Variants in CCDC60 observed in about 807,000 individuals in gnomAD.
CCDC60 encodes the protein coiled-coil domain-containing protein 60.
Under a neutral mutation model 63.5 loss-of-function variants are expected in CCDC60, and 54 were observed. That is an observed-to-expected ratio of 0.85 (90% CI 0.68 to 1.07). CCDC60 has a LOEUF of 1.07. Among genes scored for constraint, CCDC60 ranks in the 50% least tolerant of loss-of-function variants. CCDC60 has a pLI of 0.00. For missense variants in CCDC60, 651 were observed against 684.3 expected, an observed-to-expected ratio of 0.95 and a Z score of 0.54; for synonymous variants, 206 against 238.8, an observed-to-expected ratio of 0.86 and a Z score of 1.27.
At chr12:119,520,932 GC>G (rs1249684543) in intron 9 of CCDC60, among the ~76,000 whole-genome samples, 1 of 152,140 alleles carries the variant, frequency 6.6e-6, no homozygotes, top group Non-Finnish European at 1.5e-5. Context: ...AACACAGCCT[GC>G]CCTCATGGAT....
intron 1 of CCDC60, among the ~76,000 whole-genome samples, chr12:119,347,112 G>A (rs1438764858): frequency 6.6e-6 from 1 of 151,970 alleles, no homozygotes; most frequent in Non-Finnish European, 1.5e-5. Context: ...CATAAGCCAC[G>A]TGCCCGGCCT....
At chr12:119,520,982 A>G (rs1443624593) in intron 9 of CCDC60, among the ~76,000 whole-genome samples, 3 of 152,232 alleles carry the variant, frequency 2.0e-5, no homozygotes, top group Admixed American at 2.0e-4. Context: ...TTTATGTGCC[A>G]TAGACTCCTT....
intron 1 of CCDC60, among the ~76,000 whole-genome samples, chr12:119,419,061 C>T (rs916390799): frequency 6.6e-6 from 1 of 152,246 alleles, no homozygotes; most frequent in Non-Finnish European, 1.5e-5. Flanking sequence ...CTGGCCATTT[C>T]TGCCTTGTGC....
chr12:119,478,603 C>CTTTT (rs35215523), intron 3 of CCDC60, among the ~76,000 whole-genome samples: 4 of 87,076 alleles, frequency 4.6e-5, no homozygotes, highest in Non-Finnish European at 8.3e-5. Context: ...AAGGCAGGGA[C>CTTTT]TTTTTTTTTT....
At chr12:119,473,405 C>G (rs181392084) in intron 3 of CCDC60, among the ~76,000 whole-genome samples, 1 of 152,312 alleles carries the variant, frequency 6.6e-6, no homozygotes, top group African/African-American at 2.4e-5. Context: ...ACACCACTGT[C>G]CAGGTCAGTT....
chr12:119,499,647 A>G (rs902494738), intron 5 of CCDC60, among the ~76,000 whole-genome samples: 5 of 152,008 alleles, frequency 3.3e-5, no homozygotes, highest in African/African-American at 7.2e-5. Flanking sequence ...CCCACCCTCA[A>G]TCCCACCCAG....
rs1166833798 is a variant in CCDC60 at position 119,505,115 on chromosome 12, C to T, written c.695C>T (p.Pro232Leu). 2 of 1,611,418 alleles carry T rather than the reference C, an allele frequency of 1.2e-6. No homozygotes were observed. Among genetic ancestry groups the T allele is most frequent in the Non-Finnish European group, 1.7e-6 (2 of 1,178,322 alleles). Residue 232 changes from proline (P) to leucine (L), a missense_variant, in exon 7 of 14, where the codon CCA (proline) becomes CTA (leucine). Physicochemically the swap from Pro to Leu is moderately conservative, Grantham distance 98. Transcript: ENST00000327554. ...ACAATGCGAGTCACCAACCGCAAAC[C>T]AAGCCGGCGAGGCTCCACACTCAGT... ...IPTMRVTNRKPSRRGSTLSLS... is the reference protein window; with the variant it reads ...IPTMRVTNRKLSRRGSTLSLS...
intron 1 of CCDC60, among the ~76,000 whole-genome samples, chr12:119,379,766 T>C (rs10774495): frequency 0.66 from 100,199 of 152,092 alleles, 33,353 homozygotes; most frequent in East Asian, 0.83. Context: ...TTGAACTGAT[T>C]CAGGGAAGCT....
chr12:119,405,450 G>A (rs965928921), intron 1 of CCDC60, among the ~76,000 whole-genome samples: 2 of 152,178 alleles, frequency 1.3e-5, no homozygotes, highest in Admixed American at 1.3e-4. Context: ...TGTTGTGCTT[G>A]TTGATTTTCA....
intron 2 of CCDC60, among the ~76,000 whole-genome samples, chr12:119,468,309 T>TA (rs1269467451): frequency 6.6e-6 from 1 of 150,932 alleles, no homozygotes; most frequent in Non-Finnish European, 1.5e-5. Flanking sequence ...AAAAATTTTT[T>TA]AAAAAAAAGC....
At chr12:119,476,651 C>T (rs1268151734) in intron 3 of CCDC60, among the ~76,000 whole-genome samples, 1 of 152,210 alleles carries the variant, frequency 6.6e-6, no homozygotes, top group African/African-American at 2.4e-5. Context: ...CACAGCCTAA[C>T]ACCCTCCATG....
chr12:119,465,845 G>C (rs1285930066), intron 2 of CCDC60, among the ~76,000 whole-genome samples: 1 of 151,976 alleles, frequency 6.6e-6, no homozygotes, highest in Admixed American at 6.6e-5. Context: ...GTTTTCTCCA[G>C]ACCATGGCCA....
chr12:119,491,329 G>C (rs879565277), intron 5 of CCDC60, among the ~76,000 whole-genome samples: 54 of 151,862 alleles, frequency 3.6e-4, no homozygotes, highest in Admixed American at 3.2e-3. Flanking sequence ...TTGTTTGTTT[G>C]TTTTTGTTTT....
intron 1 of CCDC60, among the ~76,000 whole-genome samples, chr12:119,413,043 T>G (rs1044427608): frequency 6.6e-6 from 1 of 152,112 alleles, no homozygotes; most frequent in Non-Finnish European, 1.5e-5. Flanking sequence ...GGCTCCTGTT[T>G]CCTGAAGCTC....
At chr12:119,336,041 C>T (rs999691490) in intron 1 of CCDC60, among the ~76,000 whole-genome samples, 91 of 133,950 alleles carry the variant, frequency 6.8e-4, no homozygotes, top group Non-Finnish European at 1.2e-3. Context: ...GGGAATTGAA[C>T]AATGAGATCA....
At chr12:119,405,534 T>C (rs972013531) in intron 1 of CCDC60, among the ~76,000 whole-genome samples, 1 of 152,216 alleles carries the variant, frequency 6.6e-6, no homozygotes, top group East Asian at 1.9e-4. Flanking sequence ...AGAAAATTAA[T>C]GTAAAACATT....
intron 1 of CCDC60, among the ~76,000 whole-genome samples, chr12:119,362,408 CAATA>C (rs577068812): frequency 7.9e-5 from 12 of 152,018 alleles, no homozygotes; most frequent in African/African-American, 1.2e-4. Context: ...CTTCTCCCTG[CAATA>C]AATAAATAAA....
At chr12:119,517,965 T>C (rs1952399150) in intron 8 of CCDC60, among the ~76,000 whole-genome samples, 1 of 152,182 alleles carries the variant, frequency 6.6e-6, no homozygotes, top group African/African-American at 2.4e-5. Context: ...AATGAGGCAC[T>C]AGAAGAGGTT....
chr12:119,412,444 C>G (rs1956619983), intron 1 of CCDC60, among the ~76,000 whole-genome samples: 2 of 152,172 alleles, frequency 1.3e-5, no homozygotes, highest in Admixed American at 6.5e-5. Flanking sequence ...TCCTTCTTAT[C>G]AGGACATTGG....
Sources: gnomAD v4.1 joint callset for allele counts (sites outside exome capture counted in the v4.1 genomes callset) on GRCh38, gnomAD v4.1.1 for gene constraint, MANE v1.5 for transcripts, NCBI Gene and HGNC (gene_info 2026-07-23, HGNC 2026-07-21) for gene names.